Variants in GALNT7 observed in about 807,000 individuals in gnomAD.
GALNT7 encodes N-acetylgalactosaminyltransferase 7.
GALNT7 carries 60 observed loss-of-function variants against 82.1 expected under a neutral mutation model. The observed-to-expected ratio is 0.73, with a 90% CI of 0.59 to 0.91. The LOEUF (loss-of-function observed/expected upper bound fraction) is 0.91. Ranked by LOEUF, GALNT7 falls within the 40% of genes least tolerant of loss-of-function variation. The pLI is 0.00. For synonymous variants in GALNT7, 243 were observed against 275.1 expected (o/e 0.88, Z 1.15); for missense variants, 660 against 804.2 (o/e 0.82, Z 2.17).
intron 2 of GALNT7, among the ~76,000 whole-genome samples, chr4:173,264,001 T>C (rs1368771330): frequency 6.6e-6 from 1 of 152,138 alleles, no homozygotes; most frequent in Non-Finnish European, 1.5e-5. Context: ...CTTCCCCCTT[T>C]AGCAAGTTAC....
chr4:173,263,719 A>G (rs902946923), intron 2 of GALNT7, among the ~76,000 whole-genome samples: 1 of 152,234 alleles, frequency 6.6e-6, no homozygotes, highest in Non-Finnish European at 1.5e-5. Flanking sequence ...TTCAAGGTTC[A>G]TCAATTTATT....
rs116808564 is a variant in GALNT7 at position 173,172,381 on chromosome 4, C to T, written c.126+3420C>T. Reference sequence around the variant, plus strand: ...AGCCTTCCTAGAGGAAGGGCATATACTAGTTAAAAGCTGCCATTTTGCCTA... The same window carrying T: ...AGCCTTCCTAGAGGAAGGGCATATATTAGTTAAAAGCTGCCATTTTGCCTA... On this transcript the variant is annotated intron_variant, in intron 1 of 11. Coordinates refer to ENST00000265000, the MANE Select transcript of GALNT7 (RefSeq NM_017423.3). Among the ~76,000 whole-genome samples the T allele has an allele frequency of 4.6e-3, 702 of 152,308 alleles. 5 individuals carry two copies. Among genetic ancestry groups the T allele is most frequent in the African/African-American group, 0.016 (664 of 41,568 alleles).
chr4:173,168,835 G>C lies in GALNT7; in HGVS notation c.-1G>C. ...TGTGAGTCTCTCGCCGCCGGAGGAA[G>C]ATGAGGCTGAAGATTGGGTTCATCT... On this transcript the variant is annotated 5_prime_UTR_variant, in exon 1 of 12. Coordinates refer to ENST00000265000, the MANE Select transcript of GALNT7 (RefSeq NM_017423.3). The C allele has an allele frequency of 6.2e-7, 1 of 1,612,026 alleles. No homozygotes were observed. The highest frequency in any genetic ancestry group is 8.5e-7 in the Non-Finnish European group (1 of 1,178,986).
At chr4:173,299,727 T>C (rs1469254229) in intron 6 of GALNT7, among the ~76,000 whole-genome samples, 1 of 151,984 alleles carries the variant, frequency 6.6e-6, no homozygotes, top group Non-Finnish European at 1.5e-5. Context: ...GTGCCTGTAA[T>C]CCCAGCTACT....
chr4:173,268,033 G>A (rs1735567696), intron 2 of GALNT7: 1 of 154,682 alleles, frequency 6.5e-6, no homozygotes. Flanking sequence ...AAAAGAGGAG[G>A]AGTCCTAAAG....
At chr4:173,189,111 A>T (rs562782970) in intron 1 of GALNT7, among the ~76,000 whole-genome samples, 5 of 152,300 alleles carry the variant, frequency 3.3e-5, no homozygotes, top group African/African-American at 1.2e-4. Flanking sequence ...TCTTACACTC[A>T]TATCAGCACT....
intron 2 of GALNT7, among the ~76,000 whole-genome samples, chr4:173,284,656 G>A (rs1163880424): frequency 1.5e-4 from 22 of 151,576 alleles, no homozygotes; most frequent in Admixed American, 1.4e-3. Context: ...TTAAAACACT[G>A]GATATTATGA....
At chr4:173,286,810 A>G (rs186989132) in intron 2 of GALNT7, among the ~76,000 whole-genome samples, 2 of 152,302 alleles carry the variant, frequency 1.3e-5, no homozygotes, top group African/African-American at 4.8e-5. Context: ...AATCCCCTCA[A>G]CTGTTAAAGG....
In GALNT7 at chr4:173,321,571, G is replaced by C. The variant is rs771738667; in HGVS notation, c.1837-9G>C. On this transcript the variant is annotated splice_polypyrimidine_tract_variant and intron_variant, in intron 11 of 11. Transcript: ENST00000265000. ...AAATTTGAAACTTTTTTCTTACTGTGTTTTCCAGAACCTGCACAGATTTAC... is the reference window on the plus strand; with the variant it reads ...AAATTTGAAACTTTTTTCTTACTGTCTTTTCCAGAACCTGCACAGATTTAC... 1.6e-5 allele frequency: 26 copies of C among 1,606,904 alleles called. No individual in the cohort carries two copies. In the Admixed American group the frequency reaches 4.4e-4, roughly 27 times the overall value.
rs370557329 is a variant in GALNT7, at chr4:173,298,240, G to A, written c.1091G>A (p.Arg364Gln). The A allele has an allele frequency of 3.5e-5, 57 of 1,611,208 alleles. No homozygotes were observed. The highest frequency in any genetic ancestry group is 4.3e-5 in the Non-Finnish European group (51 of 1,178,974). ...TGGGATTGGAGTATGCTCTGGAAAC[G>A]GGTGCCTCTGACCCCTCAAGAGAAG... is the stretch of plus-strand genomic sequence containing the variant. ...GAWDWSMLWK[R>Q]VPLTPQEKRL... Residue 364 changes from arginine (R) to glutamine (Q), a missense_variant, in exon 6 of 12, where the codon CGG becomes CAG. Physicochemically the swap from Arg to Gln is conservative, Grantham distance 43. This residue lies in a region of GALNT7 where 527 missense variants were observed against 683.5 expected (regional missense o/e 0.77). Coordinates refer to ENST00000265000, the MANE Select transcript of GALNT7 (RefSeq NM_017423.3).
At chr4:173,230,738 C>A (rs200973347) in intron 1 of GALNT7, among the ~76,000 whole-genome samples, 3 of 152,058 alleles carry the variant, frequency 2.0e-5, no homozygotes, top group African/African-American at 7.2e-5. Flanking sequence ...GGGTTTTCTC[C>A]CTTTCTCTCA....
At position 173,264,976 on chromosome 4, in the gene GALNT7, A is replaced by G. The variant is rs75482859; in HGVS notation, c.587+16536A>G. On this transcript the variant is annotated intron_variant, in intron 2 of 11. Transcript: ENST00000265000. ...GCATCTATTTACTTGGCTACCTAGT[A>G]TTGGTGCAGAAGCAAATGCTGCTTT... 4.5e-4 allele frequency among the ~76,000 whole-genome samples: 68 copies of G among 152,336 alleles called. 2 individuals carry two copies. The East Asian group carries it at 0.013, about 29-fold the overall frequency.
At chr4:173,233,495 G>C (rs1734110538) in intron 1 of GALNT7, among the ~76,000 whole-genome samples, 1 of 152,142 alleles carries the variant, frequency 6.6e-6, no homozygotes, top group African/African-American at 2.4e-5. Flanking sequence ...GTGATGTTGA[G>C]TATTTTTTCA....
At chr4:173,229,309 A>C (rs1049585595) in intron 1 of GALNT7, among the ~76,000 whole-genome samples, 1 of 152,156 alleles carries the variant, frequency 6.6e-6, no homozygotes, top group African/African-American at 2.4e-5. Flanking sequence ...CTTTATTATG[A>C]ATTCTAGTTA....
rs149643218 is a variant in GALNT7 at position 173,236,025 on chromosome 4, G to A, written c.127-11955G>A. ...TATCTCTGTAACCTGGTACATAGTA[G>A]GTACTCAGTACATATTTGTTAAACC... On this transcript the variant is annotated intron_variant, in intron 1 of 11. Transcript: ENST00000265000. 5.7e-3 allele frequency among the ~76,000 whole-genome samples: 868 copies of A among 152,256 alleles called. 9 individuals are homozygous for A. Among genetic ancestry groups the A allele is most frequent in the African/African-American group, 0.019 (801 of 41,540 alleles).
rs1369890288 is a variant in GALNT7, at chr4:173,249,816, TAA to T, written c.587+1378_587+1379del. On this transcript the variant is annotated intron_variant, in intron 2 of 11. Coordinates refer to ENST00000265000, the MANE Select transcript of GALNT7 (RefSeq NM_017423.3). Reference sequence around the variant, plus strand: ...TTAGTCAGGAGATAAAGATGGTTGTTAAAGAGTTACAGCTGCCATGTGAGGAC... The same window carrying T: ...TTAGTCAGGAGATAAAGATGGTTGTTAGAGTTACAGCTGCCATGTGAGGAC... Among the ~76,000 whole-genome samples the T allele has an allele frequency of 7.9e-5, 12 of 152,284 alleles. No individual in the cohort carries two copies. In the East Asian group the frequency reaches 2.3e-3, roughly 29 times the overall value.
intron 6 of GALNT7, among the ~76,000 whole-genome samples, chr4:173,301,504 C>T (rs1244507328): frequency 1.3e-5 from 2 of 152,206 alleles, no homozygotes; most frequent in East Asian, 3.9e-4. Flanking sequence ...ATATCTAATT[C>T]TCCTGTGTCA....
chr4:173,257,611 T>G (rs1055498028), intron 2 of GALNT7, among the ~76,000 whole-genome samples: 2 of 152,216 alleles, frequency 1.3e-5, no homozygotes, highest in African/African-American at 4.8e-5. Flanking sequence ...GACCTGTAGC[T>G]TTGCTTCCCT....
At chr4:173,179,020 A>G (rs1028179906) in intron 1 of GALNT7, among the ~76,000 whole-genome samples, 3 of 152,190 alleles carry the variant, frequency 2.0e-5, no homozygotes, top group African/African-American at 7.2e-5. Context: ...AGTAAACTTA[A>G]CATGCTCAGT....
Sources: allele counts gnomAD v4.1 joint callset (sites outside exome capture counted in the v4.1 genomes callset), GRCh38; gene constraint gnomAD v4.1.1; regional missense constraint gnomAD v4.1.1; transcripts MANE v1.5; gene names NCBI Gene and HGNC (gene_info 2026-07-23, HGNC 2026-07-21).